Variants in RAB3C observed in about 807,000 individuals in gnomAD.
The protein encoded by RAB3C is ras-related protein Rab-3C.
In RAB3C, 17 loss-of-function variants were observed where a neutral mutation model predicts 26.4. The ratio of observed to expected loss-of-function variants is 0.64; its 90% CI spans 0.44 to 0.97. The LOEUF is 0.97. RAB3C is among the 50% of genes least tolerant of loss of function. The pLI, the probability that RAB3C is intolerant of heterozygous loss-of-function variation, is 0.00. For synonymous variants in RAB3C, 91 were observed against 95.9 expected (o/e 0.95, Z 0.30); for missense variants, 242 against 281.9 (o/e 0.86, Z 1.01).
chr5:58,680,021 T>G (rs1269124307), intron 2 of RAB3C, among the ~76,000 whole-genome samples: 1 of 152,218 alleles, frequency 6.6e-6, no homozygotes, highest in African/African-American at 2.4e-5. Context: ...ATATTTTAAA[T>G]GATTGGGGGC....
chr5:58,766,963 ACAG>A (rs1284256099), intron 3 of RAB3C, among the ~76,000 whole-genome samples: 1 of 152,188 alleles, frequency 6.6e-6, no homozygotes, highest in Non-Finnish European at 1.5e-5. Context: ...GAGACTGAGA[ACAG>A]CATCTCTGAA....
intron 3 of RAB3C, among the ~76,000 whole-genome samples, chr5:58,751,983 A>G (rs1017471938): frequency 9.9e-5 from 15 of 152,128 alleles, no homozygotes; most frequent in African/African-American, 3.6e-4. Flanking sequence ...ACTCAGTAGG[A>G]TTTTTTTCTG....
At chr5:58,761,763 C>A (rs1741801143) in intron 3 of RAB3C, among the ~76,000 whole-genome samples, 1 of 152,180 alleles carries the variant, frequency 6.6e-6, no homozygotes. Flanking sequence ...ATTATCTTTT[C>A]TGTCTTTATA....
At position 58,593,755 on chromosome 5, in the gene RAB3C, G is replaced by A. The variant is rs567694989; in HGVS notation, c.24+10523G>A. 1.4e-4 allele frequency among the ~76,000 whole-genome samples: 22 copies of A among 152,254 alleles called. No individual in the cohort carries two copies. In the Middle Eastern group the frequency reaches 0.014, roughly 94 times the overall value. ...TGAAGTGTGCTGTCAGTTCTGTTGAGATAATGAAGTATTTTTGCATTCACT... is the reference window on the plus strand; with the variant it reads ...TGAAGTGTGCTGTCAGTTCTGTTGAAATAATGAAGTATTTTTGCATTCACT... On this transcript the variant is annotated intron_variant, in intron 1 of 4. Coordinates refer to ENST00000282878, the MANE Select transcript of RAB3C (RefSeq NM_138453.4).
rs537674855 is a variant in RAB3C, at chr5:58,794,442, A to G, written c.372-30596A>G. The G allele has an allele frequency of 5.3e-5, 8 of 152,042 alleles. No individual in the cohort carries two copies. In the South Asian group the frequency reaches 1.2e-3, roughly 24 times the overall value. The allele number at this position is 152,042 out of a possible 1,614,324, so 9.4% of individuals were successfully genotyped here. Reference sequence around the variant, plus strand: ...ATGAAACAAAAAATAGCAATATATAACACTTCCAGTTTCCCCCCGAAGCAG... The same window carrying G: ...ATGAAACAAAAAATAGCAATATATAGCACTTCCAGTTTCCCCCCGAAGCAG... On this transcript the variant is annotated intron_variant, in intron 3 of 4. Transcript: ENST00000282878.
chr5:58,716,118 T>C (rs1268094946), intron 2 of RAB3C, among the ~76,000 whole-genome samples: 2 of 150,012 alleles, frequency 1.3e-5, no homozygotes, highest in Non-Finnish European at 3.0e-5. Context: ...TAAGGGGTTA[T>C]CATCTATACC....
At chr5:58,627,780 G>A (rs1747091095) in intron 2 of RAB3C, among the ~76,000 whole-genome samples, 1 of 152,156 alleles carries the variant, frequency 6.6e-6, no homozygotes, top group Non-Finnish European at 1.5e-5. Context: ...TGCTGAAGGT[G>A]CTGATGCATA....
chr5:58,797,354 ATATGTATAT>A (rs1257588624), intron 3 of RAB3C, among the ~76,000 whole-genome samples: 1,771 of 58,016 alleles, frequency 0.031, 107 homozygotes, highest in East Asian at 0.042. Context: ...AAAAAAAAAA[ATATGTATAT>A]ATATAATATA....
At chr5:58,637,448 G>A (rs1448230653) in intron 2 of RAB3C, among the ~76,000 whole-genome samples, 7 of 151,960 alleles carry the variant, frequency 4.6e-5, no homozygotes, top group African/African-American at 1.5e-4. Context: ...TTCTATCCCC[G>A]AAGACTCCAG....
At chr5:58,649,529 T>C (rs555485999) in intron 2 of RAB3C, among the ~76,000 whole-genome samples, 1 of 152,074 alleles carries the variant, frequency 6.6e-6, no homozygotes, top group South Asian at 2.1e-4. Flanking sequence ...ATCTCCACCT[T>C]ACTGTCTGCC....
chr5:58,743,196 C>CA lies in RAB3C; in HGVS notation c.371+17077dup, dbSNP rs560258168. Among the ~76,000 whole-genome samples the CA allele has an allele frequency of 3.3e-5, 5 of 152,152 alleles. No homozygotes were observed. In the East Asian group the frequency reaches 7.7e-4, roughly 23 times the overall value. Reference sequence around the variant, plus strand: ...AAGAATTCCTAACTTACAAGGTGGCCATGAGGAAAAGAGGAGAAAAATCTA... The same window carrying CA: ...AAGAATTCCTAACTTACAAGGTGGCCAATGAGGAAAAGAGGAGAAAAATCTA... On this transcript the variant is annotated intron_variant, in intron 3 of 4. Coordinates refer to ENST00000282878, the MANE Select transcript of RAB3C (RefSeq NM_138453.4).
chr5:58,583,150 C>G lies in RAB3C; in HGVS notation c.-59C>G. 6.2e-7 allele frequency: 1 copy of G among 1,613,226 alleles called. No individual in the cohort carries two copies. The highest frequency in any genetic ancestry group is 1.1e-5 in the South Asian group (1 of 90,934). ...GCGTGGAGCGCCGGGACTGTGCACG[C>G]TTGACCGGAAGCCCAGACCAGTGCG... On this transcript the variant is annotated 5_prime_UTR_variant, in exon 1 of 5. Coordinates refer to ENST00000282878, the MANE Select transcript of RAB3C (RefSeq NM_138453.4).
At chr5:58,662,749 T>C (rs1747929933) in intron 2 of RAB3C, among the ~76,000 whole-genome samples, 1 of 150,154 alleles carries the variant, frequency 6.7e-6, no homozygotes, top group South Asian at 2.1e-4. Context: ...AAGTAAGCTG[T>C]GGTGATAGAA....
chr5:58,782,925 G>A lies in RAB3C; in HGVS notation c.372-42113G>A, dbSNP rs140360692. ...TTTTCACAGCCTTTGATTGTACTAT[G>A]TCCCATAATGTTATTTTTTTTTTAA... On this transcript the variant is annotated intron_variant, in intron 3 of 4. Coordinates refer to ENST00000282878, the MANE Select transcript of RAB3C (RefSeq NM_138453.4). Among the ~76,000 whole-genome samples, 879 of 152,078 alleles carry A rather than the reference G, an allele frequency of 5.8e-3. 12 individuals carry two copies. Among genetic ancestry groups the A allele is most frequent in the Middle Eastern group, 0.02 (6 of 294 alleles).
At chr5:58,655,684 T>C (rs989110455) in intron 2 of RAB3C, among the ~76,000 whole-genome samples, 1 of 151,956 alleles carries the variant, frequency 6.6e-6, no homozygotes, top group Non-Finnish European at 1.5e-5. Flanking sequence ...CAAAATATTA[T>C]GACAGATTTG....
chr5:58,830,661 C>G (rs989900095), intron 4 of RAB3C, among the ~76,000 whole-genome samples: 2 of 152,172 alleles, frequency 1.3e-5, no homozygotes, highest in Non-Finnish European at 2.9e-5. Flanking sequence ...ACTGCCAACC[C>G]AGGTAAGGGA....
intron 2 of RAB3C, among the ~76,000 whole-genome samples, chr5:58,698,304 T>C (rs1215143809): frequency 2.0e-5 from 3 of 152,236 alleles, no homozygotes; most frequent in African/African-American, 4.8e-5. Flanking sequence ...GCTGTTAGTA[T>C]GATGGGCTTC....
At chr5:58,700,778 G>A (rs1748824365) in intron 2 of RAB3C, among the ~76,000 whole-genome samples, 1 of 152,064 alleles carries the variant, frequency 6.6e-6, no homozygotes, top group Admixed American at 6.6e-5. Context: ...TGTTCCAGTT[G>A]GCTAGGAAAT....
At chr5:58,793,554 C>G (rs1579921454) in intron 3 of RAB3C, among the ~76,000 whole-genome samples, 1 of 147,436 alleles carries the variant, frequency 6.8e-6, no homozygotes, top group African/African-American at 2.5e-5. Context: ...AAAAAAATTC[C>G]TAAGTGTTAC....
Sources: gnomAD v4.1 joint callset for allele counts (sites outside exome capture counted in the v4.1 genomes callset) on GRCh38, gnomAD v4.1.1 for gene constraint, MANE v1.5 for transcripts, NCBI Gene and HGNC (gene_info 2026-07-23, HGNC 2026-07-21) for gene names.